Variants in IL24 observed in about 807,000 individuals in gnomAD.
IL24 encodes the protein interleukin 24, also known as interleukin-24.
In IL24, 24 loss-of-function variants were observed where a neutral mutation model predicts 27.6. The ratio of observed to expected loss-of-function variants is 0.87; its 90% CI spans 0.63 to 1.22. IL24 has a LOEUF of 1.22. IL24 is among the 50% of genes most tolerant of loss of function. The pLI is 0.00. For missense variants in IL24, 240 were observed against 237.0 expected (o/e 1.01, Z -0.08); for synonymous variants, 99 against 93.1 (o/e 1.06, Z -0.36).
rs1467791672 is a variant in IL24, at chr1:206,904,083, C to T, written c.*1024C>T. The T allele has an allele frequency of 6.6e-6, 1 of 152,442 alleles. No homozygotes were observed. The highest frequency in any genetic ancestry group is 2.4e-5 in the African/African-American group (1 of 41,568). The allele number at this position is 152,442 out of a possible 1,614,324, so 9.4% of individuals were successfully genotyped here. Reference sequence around the variant, plus strand: ...TATGTAGGAGGTGGGATATCACTTCCATGACATAAGTGCTATTGCAGAGCC... The same window carrying T: ...TATGTAGGAGGTGGGATATCACTTCTATGACATAAGTGCTATTGCAGAGCC... On this transcript the variant is annotated 3_prime_UTR_variant, in exon 7 of 7. Coordinates refer to ENST00000294984, the MANE Select transcript of IL24 (RefSeq NM_006850.3).
rs1376434845 is a variant in IL24 at position 206,899,530 on chromosome 1, G to C, written c.240+15G>C. On this transcript the variant is annotated intron_variant, in intron 3 of 6. Transcript: ENST00000294984. ...AAGACACTATGGTGAGTAAAGTGCT[G>C]TTCTGGACCCAGTCGTGGGGGTTCC... 1 of 1,550,332 alleles carries C rather than the reference G, an allele frequency of 6.5e-7. No individual in the cohort carries two copies. Among genetic ancestry groups the C allele is most frequent in the South Asian group, 1.2e-5 (1 of 80,506 alleles).
At chr1:206,902,115 C>G in intron 6 of IL24, 43 bp downstream of exon 6, 1 of 1,610,442 alleles carries the variant, frequency 6.2e-7, no homozygotes, top group East Asian at 2.2e-5. Context: ...GCAGAATAGA[C>G]TAGTCTGCAC....
In IL24 at chr1:206,902,046, C is replaced by G. The variant is rs1678410103; in HGVS notation, c.511C>G (p.Leu171Val). The G allele has an allele frequency of 6.2e-7, 1 of 1,614,110 alleles. No individual in the cohort carries two copies. The highest frequency in any genetic ancestry group is 2.2e-5 in the East Asian group (1 of 44,888). The change falls in exon 6 of 7, where the codon CTG becomes GTG. Residue 171 changes from leucine (L) to valine (V), a missense_variant. Coordinates refer to ENST00000294984, the MANE Select transcript of IL24 (RefSeq NM_006850.3). ...CAGAGACAGTGCACACAGGCGGTTT[C>G]TGCTATTCCGGAGAGCATTCAAACA... Reference protein sequence around the residue: ...SIRDSAHRRFLLFRRAFKQLD... With the variant: ...SIRDSAHRRFVLFRRAFKQLD...
chr1:206,903,331 C>A lies in IL24; in HGVS notation c.*272C>A. The A allele has an allele frequency of 2.7e-6, 1 of 367,558 alleles. No individual in the cohort carries two copies. The highest frequency in any genetic ancestry group is 5.0e-6 in the Non-Finnish European group (1 of 198,858). 22.8% of individuals were successfully genotyped at this position (367,558 alleles called of 1,614,324 possible). On this transcript the variant is annotated 3_prime_UTR_variant, in exon 7 of 7. Coordinates refer to ENST00000294984, the MANE Select transcript of IL24 (RefSeq NM_006850.3). ...TAATGTCAGTATTTCAACTGAAGTT[C>A]TATTTATTTGTGAGACTGTAAGTTA...
In IL24 at chr1:206,902,562, A is replaced by G. The variant is rs541794267; in HGVS notation, c.538-414A>G. ...CCCCCTAAAAACATAAATGATTTCGATCACTTTTTTTTTTTTGAGGAAGAG... is the reference window on the plus strand; with the variant it reads ...CCCCCTAAAAACATAAATGATTTCGGTCACTTTTTTTTTTTTGAGGAAGAG... On this transcript the variant is annotated intron_variant, in intron 6 of 6. Coordinates refer to ENST00000294984, the MANE Select transcript of IL24 (RefSeq NM_006850.3). 20 of 944,374 alleles carry G rather than the reference A, an allele frequency of 2.1e-5. No individual in the cohort carries two copies. The East Asian group carries it at 2.1e-3, about 99-fold the overall frequency. The allele number at this position is 944,374 out of a possible 1,614,324, so 58.5% of individuals were successfully genotyped here.
intron 4 of IL24, among the ~76,000 whole-genome samples, chr1:206,900,574 G>A (rs1334849413): frequency 6.6e-6 from 1 of 152,138 alleles, no homozygotes; most frequent in Non-Finnish European, 1.5e-5. Context: ...GGAAGGTGGA[G>A]GCTTGTAAAC....
intron 6 of IL24, chr1:206,902,536 C>CA: frequency 3.4e-6 from 3 of 888,756 alleles, no homozygotes; most frequent in Non-Finnish European, 3.8e-6. Flanking sequence ...TCATCCCCAG[C>CA]CCCCCTAAAA....
In IL24 at chr1:206,902,170, AG is replaced by A. The variant is rs961166908; in HGVS notation, c.537+102del. On this transcript the variant is annotated intron_variant, in intron 6 of 6. Transcript: ENST00000294984. ...AGAGACCCAATGCAGAATGTAATGC[AG>A]GGGACACCATCAGCTTTGCTCCAAA... The A allele has an allele frequency of 9.8e-6, 15 of 1,537,618 alleles. No individual in the cohort carries two copies. In the African/African-American group the frequency reaches 1.5e-4, roughly 16 times the overall value.
intron 2 of IL24, among the ~76,000 whole-genome samples, chr1:206,898,302 G>A (rs1678238473): frequency 6.6e-6 from 1 of 152,074 alleles, no homozygotes. Flanking sequence ...CCAGGTACCA[G>A]CAGAACCGGG....
chr1:206,899,081 A>C (rs191430735), intron 2 of IL24, among the ~76,000 whole-genome samples: 1 of 152,288 alleles, frequency 6.6e-6, no homozygotes, highest in African/African-American at 2.4e-5. Context: ...GTGGACGGGC[A>C]AGGTGGGGAA....
chr1:206,901,414 T>C (rs1678372025), intron 4 of IL24, 80 bp from the exon 5 acceptor site: 1 of 1,475,688 alleles, frequency 6.8e-7, no homozygotes, highest in South Asian at 1.4e-5. Flanking sequence ...TATCTTGCCT[T>C]GGGTGGCATG....
chr1:206,902,736 T>C, intron 6 of IL24: 1 of 985,376 alleles, frequency 1.0e-6, no homozygotes, highest in Non-Finnish European at 1.2e-6. Flanking sequence ...AGGGGTGCCA[T>C]ATGTCTTTCC....
intron 2 of IL24, among the ~76,000 whole-genome samples, chr1:206,898,333 G>T (rs573573871): frequency 2.6e-5 from 4 of 152,046 alleles, no homozygotes; most frequent in African/African-American, 9.7e-5. Context: ...TCTTCCTCCC[G>T]GTGTAGGGGT....
At chr1:206,902,650 G>C (rs372706018) in intron 6 of IL24, 8 of 985,258 alleles carry the variant, frequency 8.1e-6, no homozygotes, top group African/African-American at 7.0e-5. Flanking sequence ...GGCCACCTGG[G>C]CTCATTTCAC....
intron 4 of IL24, 57 bp from the exon 5 acceptor site, chr1:206,901,437 T>C: frequency 6.4e-7 from 1 of 1,551,022 alleles, no homozygotes; most frequent in Non-Finnish European, 8.7e-7. Flanking sequence ...GGTTGTTCCT[T>C]CAGGGGGTCA....
chr1:206,898,164 C>CAA (rs59175256), intron 2 of IL24, among the ~76,000 whole-genome samples: 48 of 99,980 alleles, frequency 4.8e-4, no homozygotes, highest in Middle Eastern at 4.8e-3. Context: ...GAAATTCTGT[C>CAA]AAAAAAAAAA....
At chr1:206,899,270 C>G in intron 2 of IL24, 50 bp from the exon 3 acceptor site, 1 of 1,583,744 alleles carries the variant, frequency 6.3e-7, no homozygotes, top group Non-Finnish European at 8.6e-7. Context: ...GGGCATGTAA[C>G]TCTGGGTCAG....
At chr1:206,898,719 AGAGT>A (rs1678253923) in intron 2 of IL24, among the ~76,000 whole-genome samples, 1 of 152,178 alleles carries the variant, frequency 6.6e-6, no homozygotes, top group Non-Finnish European at 1.5e-5. Context: ...TTTAGACTCA[AGAGT>A]GAGTGGTTAG....
chr1:206,901,450 G>A, intron 4 of IL24, 44 bp from the exon 5 acceptor site: 1 of 1,575,012 alleles, frequency 6.3e-7, no homozygotes, highest in Non-Finnish European at 8.6e-7. Flanking sequence ...GGGGGTCAGG[G>A]TGGGCAGAGG....
Sources: gnomAD v4.1 joint callset for allele counts (sites outside exome capture counted in the v4.1 genomes callset) on GRCh38, gnomAD v4.1.1 for gene constraint, MANE v1.5 for transcripts, NCBI Gene and HGNC (gene_info 2026-07-23, HGNC 2026-07-21) for gene names.